The following RBPMS2 variants were observed in gnomAD, a reference collection of about 807,000 sequenced individuals.
The protein encoded by RBPMS2 is RNA binding protein, mRNA processing factor 2.
RBPMS2 carries 14 observed loss-of-function variants against 25.7 expected under a neutral mutation model. The observed-to-expected ratio is 0.55, with a 90% confidence interval of 0.36 to 0.85. The LOEUF is 0.85. Ranked by LOEUF, RBPMS2 falls within the 40% of genes least tolerant of loss-of-function variation. The pLI is 0.01. For synonymous variants in RBPMS2, 127 were observed against 115.6 expected (o/e 1.10, Z -0.63); for missense variants, 252 against 283.4 (o/e 0.89, Z 0.80).
intron 1 of RBPMS2, chr15:64,761,206 C>G (rs528855441): frequency 6.6e-6 from 1 of 152,180 alleles, no homozygotes; most frequent in African/African-American, 2.4e-5. Context: ...CGGTGTCATC[C>G]CGATGGAAAA....
chr15:64,757,112 A>G (rs1471776782), intron 1 of RBPMS2, among the ~76,000 whole-genome samples: 1 of 151,796 alleles, frequency 6.6e-6, no homozygotes, highest in East Asian at 1.9e-4. Context: ...ATCTGGGACT[A>G]TAGGTGTGCA....
Position 64,749,050 on chromosome 15 carries a change from G to C in RBPMS2, c.368C>G (p.Pro123Arg), listed in dbSNP as rs1425505458. 1 of 1,614,188 alleles carries C rather than the reference G, an allele frequency of 6.2e-7. No homozygotes were observed. The highest frequency in any genetic ancestry group is 8.5e-7 in the Non-Finnish European group (1 of 1,180,046). ...TCCTAGGGCGGGGTGCACGTTGCTG[G>C]GATTTGGAGTTGCCATTAGCTTGCT... is the stretch of plus-strand genomic sequence containing the variant. ...AKSKLMATPNPSNVHPALGAH... is the reference protein window; with the variant it reads ...AKSKLMATPNRSNVHPALGAH... Residue 123 changes from proline (P) to arginine (R), a missense_variant, in exon 5 of 8, where the codon CCC becomes CGC. Physicochemically the swap from Pro to Arg is moderately radical, Grantham distance 103. Coordinates refer to ENST00000300069, the MANE Select transcript of RBPMS2 (RefSeq NM_194272.3).
intron 1 of RBPMS2, among the ~76,000 whole-genome samples, chr15:64,752,754 G>A (rs1273887939): frequency 6.6e-6 from 1 of 152,092 alleles, no homozygotes; most frequent in Non-Finnish European, 1.5e-5. Flanking sequence ...GGGATTACAT[G>A]CATGCACCAC....
chr15:64,749,094 G>C lies in RBPMS2; in HGVS notation c.324C>G (p.Ala108=), dbSNP rs2083649027. ...GCTTGCTCTTGGCCATCTTGGTGTT[G>C]GCTTTGGCAAACTCTAGCCTCAGAG... is the stretch of plus-strand genomic sequence containing the variant. ...PQTLRLEFAK[A]NTKMAKSKLM... is the part of the protein sequence containing the mutation. Residue 108 remains alanine, a synonymous_variant, in exon 5 of 8, where the codon GCC becomes GCG. Transcript: ENST00000300069. 2 of 1,614,138 alleles carry C rather than the reference G, an allele frequency of 1.2e-6. No homozygotes were observed. The highest frequency in any genetic ancestry group is 2.7e-5 in the African/African-American group (2 of 75,022).
rs1567064390 is a variant in RBPMS2, at chr15:64,749,137, T to A, written c.281A>T (p.Asp94Val). The change falls in exon 5 of 8, where the codon GAT becomes GTT. Residue 94 changes from aspartate to valine, a missense_variant. Asp to Val is a radical substitution (Grantham distance 152). Transcript: ENST00000300069. ...AKNALNGIRFDPENPQTLRLE... is the reference protein window; with the variant it reads ...AKNALNGIRFVPENPQTLRLE... Reference sequence around the variant, plus strand: ...CCTCAGAGTCTGTGGATTTTCGGGATCAAAGCGAATACCCTACATGGGTAG... The same window carrying A: ...CCTCAGAGTCTGTGGATTTTCGGGAACAAAGCGAATACCCTACATGGGTAG... The A allele has an allele frequency of 6.2e-7, 1 of 1,614,062 alleles. No individual in the cohort carries two copies.
At chr15:64,757,209 G>A (rs1446503842) in intron 1 of RBPMS2, among the ~76,000 whole-genome samples, 3 of 151,696 alleles carry the variant, frequency 2.0e-5, no homozygotes, top group African/African-American at 7.3e-5. Context: ...TGGGCTCAGA[G>A]AATCCTTCTG....
chr15:64,745,862 G>A (rs971526954), intron 6 of RBPMS2, among the ~76,000 whole-genome samples: 3 of 152,212 alleles, frequency 2.0e-5, no homozygotes, highest in Non-Finnish European at 2.9e-5. Flanking sequence ...CAAAGGGCAT[G>A]CAGCTGGGGT....
chr15:64,775,250 C>G lies in RBPMS2; in HGVS notation c.70G>C (p.Gly24Arg). The G allele has an allele frequency of 7.6e-7, 1 of 1,321,858 alleles. No individual in the cohort carries two copies. The highest frequency in any genetic ancestry group is 1.9e-5 in the South Asian group (1 of 51,910). The allele number at this position is 1,321,858 out of a possible 1,614,324, so 81.9% of individuals were successfully genotyped here. Residue 24 changes from glycine to arginine, a missense_variant, in exon 1 of 8, where the codon GGC becomes CGC. By Grantham distance (125) the Gly-to-Arg change is moderately radical (BLOSUM62 -2). Coordinates refer to ENST00000300069, the MANE Select transcript of RBPMS2 (RefSeq NM_194272.3). The stretch of plus-strand genomic sequence containing the variant: ...AGACCCACCTCCTCCTCCAGGGCGC[C>G]GCCGGAGCCCGCGCCGGAGCCGGTG... ...TGTGSGAGSG[G>R]ALEEEVRTLF...
chr15:64,770,477 C>A (rs1465749670), intron 1 of RBPMS2, among the ~76,000 whole-genome samples: 1 of 152,170 alleles, frequency 6.6e-6, no homozygotes, highest in Non-Finnish European at 1.5e-5. Context: ...ATACAACATA[C>A]AGGTTCATTA....
At chr15:64,757,820 C>A (rs2083748300) in intron 1 of RBPMS2, among the ~76,000 whole-genome samples, 1 of 147,544 alleles carries the variant, frequency 6.8e-6, no homozygotes, top group South Asian at 2.1e-4. Flanking sequence ...TCCCCCCCCA[C>A]AAAAAATCAG....
intron 1 of RBPMS2, 105 bp from the exon 2 acceptor site, chr15:64,751,743 G>C (rs2083683773): frequency 4.5e-6 from 4 of 887,634 alleles, no homozygotes; most frequent in Non-Finnish European, 7.2e-6. Flanking sequence ...GAGCTTAGAG[G>C]AATTCAGCCT....
At chr15:64,741,580 C>A (rs1324719361) in intron 6 of RBPMS2, among the ~76,000 whole-genome samples, 1 of 152,218 alleles carries the variant, frequency 6.6e-6, no homozygotes, top group Non-Finnish European at 1.5e-5. Context: ...TTCCCCTTTA[C>A]TGACACAGCA....
intron 6 of RBPMS2, among the ~76,000 whole-genome samples, chr15:64,743,033 C>T (rs377629259): frequency 9.2e-5 from 14 of 152,356 alleles, no homozygotes; most frequent in African/African-American, 3.4e-4. Flanking sequence ...CACGAGGAAA[C>T]GAGCAATGCT....
intron 1 of RBPMS2, among the ~76,000 whole-genome samples, chr15:64,774,272 C>G (rs10851740): frequency 0.88 from 133,633 of 152,196 alleles, 59,679 homozygotes; most frequent in East Asian, 0.96. Context: ...GGCAGGAAGG[C>G]TCTCTCACCC....
chr15:64,748,956 G>A (rs2083646608), intron 5 of RBPMS2, 44 bp downstream of exon 5: 1 of 1,607,404 alleles, frequency 6.2e-7, no homozygotes. Flanking sequence ...AGTCTGCCCT[G>A]AATGCAACTC....
intron 1 of RBPMS2, among the ~76,000 whole-genome samples, chr15:64,765,557 C>G (rs1229199977): frequency 4.8e-5 from 7 of 146,218 alleles, no homozygotes; most frequent in African/African-American, 1.3e-4. Context: ...CCAGCCTGGG[C>G]AACAAAACGA....
intron 1 of RBPMS2, among the ~76,000 whole-genome samples, chr15:64,770,608 T>C (rs1014011744): frequency 2.0e-5 from 3 of 151,968 alleles, no homozygotes; most frequent in Non-Finnish European, 4.4e-5. Flanking sequence ...TCTAGGTGAG[T>C]GCCCAGAAAC....
intron 1 of RBPMS2, among the ~76,000 whole-genome samples, chr15:64,771,613 G>A (rs867987533): frequency 6.6e-6 from 1 of 152,082 alleles, no homozygotes; most frequent in Non-Finnish European, 1.5e-5. Context: ...GGAGGTTGCA[G>A]TGAGCCGAGA....
At chr15:64,754,772 TG>T (rs923899369) in intron 1 of RBPMS2, among the ~76,000 whole-genome samples, 1 of 151,302 alleles carries the variant, frequency 6.6e-6, no homozygotes, top group Non-Finnish European at 1.5e-5. Context: ...ATGGGTGCTT[TG>T]GGTGCTGGGA....
Sources: allele counts gnomAD v4.1 joint callset (sites outside exome capture counted in the v4.1 genomes callset), GRCh38; gene constraint gnomAD v4.1.1; transcripts MANE v1.5; gene names NCBI Gene and HGNC (gene_info 2026-07-23, HGNC 2026-07-21).